The following TET3 variants were observed in gnomAD, a reference collection of about 807,000 sequenced individuals.
TET3 encodes tet methylcytosine dioxygenase 3.
TET3 carries 19 observed loss-of-function variants against 141.4 expected under a neutral mutation model. The ratio of observed to expected loss-of-function variants is 0.13; its 90% CI spans 0.09 to 0.20. The LOEUF (loss-of-function observed/expected upper bound fraction) is 0.20, where lower values mean the gene tolerates loss of function less well. TET3 is among the 10% of genes least tolerant of loss of function. TET3 has a pLI of 1.00. For missense variants in TET3, 1,874 were observed against 2,356.9 expected, an observed-to-expected ratio of 0.80 and a Z score of 4.24; for synonymous variants, 1,043 against 980.9, an observed-to-expected ratio of 1.06 and a Z score of -1.18.
Position 74,101,389 on chromosome 2 carries a change from C to T in TET3, c.4601C>T (p.Pro1534Leu), listed in dbSNP as rs368037344. ...GCTGGGCCCAGCCTGACTGAGAAGCCGTGGGCGCTGGGGGCAGGGGATTTC... is the reference window on the plus strand; with the variant it reads ...GCTGGGCCCAGCCTGACTGAGAAGCTGTGGGCGCTGGGGGCAGGGGATTTC... The part of the protein sequence containing the change: ...ALAGPSLTEK[P>L]WALGAGDFNS... The change falls in exon 12 of 12, where the codon CCG (proline) becomes CTG (leucine). Residue 1534 changes from proline to leucine, a missense_variant. Physicochemically the swap from Pro to Leu is moderately conservative, Grantham distance 98 (BLOSUM62 -3). This residue lies in a region of TET3 where 602 missense variants were observed against 590.2 expected (regional missense o/e 1.02). Coordinates refer to ENST00000409262, the MANE Select transcript of TET3 (RefSeq NM_001287491.2). This position sits in a 1 kb window ranked among gnomAD's most constrained non-coding sequence, Gnocchi z 8.5. The T allele has an allele frequency of 1.7e-5, 27 of 1,613,808 alleles. No individual in the cohort carries two copies. In the African/African-American group the frequency reaches 1.7e-4, roughly 10 times the overall value.
At chr2:74,003,041 G>GCCAGCA in intron 2 of TET3, 69 bp from the exon 3 acceptor site, 1 of 1,524,618 alleles carries the variant, frequency 6.6e-7, no homozygotes, top group South Asian at 1.2e-5. Context: ...GCTGGGGGCT[G>GCCAGCA]TAGCAGGAGG....
At chr2:73,992,088 A>G (rs577853898) in intron 2 of TET3, among the ~76,000 whole-genome samples, 2 of 152,234 alleles carry the variant, frequency 1.3e-5, no homozygotes, top group Admixed American at 1.3e-4. Context: ...GCTGATAACA[A>G]TGTCTTGTAT....
intron 3 of TET3, among the ~76,000 whole-genome samples, chr2:74,025,916 C>A (rs563704730): frequency 6.6e-6 from 1 of 151,808 alleles, no homozygotes; most frequent in Non-Finnish European, 1.5e-5. Context: ...GCAGCTTGGG[C>A]GACAGAGTGA....
At chr2:74,007,468 G>A (rs1033712792) in intron 3 of TET3, among the ~76,000 whole-genome samples, 14 of 152,180 alleles carry the variant, frequency 9.2e-5, no homozygotes, top group Non-Finnish European at 1.3e-4. Context: ...TAGATGTTTC[G>A]GATTTGAGAT....
intron 4 of TET3, among the ~76,000 whole-genome samples, chr2:74,066,292 C>T (rs1196093994): frequency 6.6e-6 from 1 of 152,080 alleles, no homozygotes; most frequent in African/African-American, 2.4e-5. Flanking sequence ...GTTCCTAGCT[C>T]AGGATCCTTT....
intron 3 of TET3, among the ~76,000 whole-genome samples, chr2:74,004,214 C>G (rs1399815755): frequency 6.6e-6 from 1 of 152,164 alleles, no homozygotes; most frequent in Non-Finnish European, 1.5e-5. Context: ...CCACCTGCCC[C>G]CTCAGCCGCT....
At chr2:74,071,029 C>G (rs1376709937) in intron 4 of TET3, among the ~76,000 whole-genome samples, 1 of 152,160 alleles carries the variant, frequency 6.6e-6, no homozygotes, top group Non-Finnish European at 1.5e-5. Context: ...TGATTTCTCA[C>G]AGCTGTAGAG....
At chr2:74,053,652 G>T (rs1027598956) in intron 4 of TET3, among the ~76,000 whole-genome samples, 1 of 152,160 alleles carries the variant, frequency 6.6e-6, no homozygotes, top group Non-Finnish European at 1.5e-5. Flanking sequence ...TATCTCCTTT[G>T]CCTGGAGCAT....
chr2:74,080,697 GGC>G, intron 6 of TET3, 106 bp downstream of exon 6: 2 of 410,938 alleles, frequency 4.9e-6, no homozygotes, highest in Non-Finnish European at 8.5e-6. Context: ...AGCAGGCGAG[GGC>G]GGGGGGTGGG....
intron 3 of TET3, among the ~76,000 whole-genome samples, chr2:74,025,297 T>G (rs1447182630): frequency 1.3e-5 from 2 of 148,604 alleles, no homozygotes; most frequent in African/African-American, 2.5e-5. Context: ...AGGTTTTTGT[T>G]TTTTTTTTTG....
chr2:73,983,938 C>G, upstream of TET3, among the ~76,000 whole-genome samples: 1 of 152,252 alleles, frequency 6.6e-6, no homozygotes, highest in East Asian at 1.9e-4. Flanking sequence ...CTGAATTAAT[C>G]TAACCTGGAA....
rs1573778817 is a variant in TET3 at position 74,046,907 on chromosome 2, G to T, written c.990G>T (p.Gln330His). The change falls in exon 4 of 12, where the codon CAG (glutamine) becomes CAT (histidine). Residue 330 changes from glutamine (Q) to histidine (H), a missense_variant. Physicochemically the swap from Gln to His is conservative, Grantham distance 24. Coordinates refer to ENST00000409262, the MANE Select transcript of TET3 (RefSeq NM_001287491.2). The surrounding 1 kb of genome is among the most constrained non-coding windows in gnomAD (Gnocchi z 4.3). ...CACTCCTCAGCTCAGAGGTGCCCCAGATCTCTCCCCAAGAGGGCCTGCCCC... is the reference window on the plus strand; with the variant it reads ...CACTCCTCAGCTCAGAGGTGCCCCATATCTCTCCCCAAGAGGGCCTGCCCC... ...TRPLLSSEVP[Q>H]ISPQEGLPLS... 3 of 1,613,842 alleles carry T rather than the reference G, an allele frequency of 1.9e-6. No individual in the cohort carries two copies. Among genetic ancestry groups the T allele is most frequent in the East Asian group, 2.2e-5 (1 of 44,866 alleles).
intron 3 of TET3, among the ~76,000 whole-genome samples, chr2:74,026,237 C>G (rs183972058): frequency 7.5e-4 from 114 of 152,270 alleles, no homozygotes; most frequent in African/African-American, 2.6e-3. Flanking sequence ...ACTGGTCTGC[C>G]ACTGCCTCTC....
chr2:74,097,589 G>A (rs1690928267), intron 10 of TET3, among the ~76,000 whole-genome samples: 3 of 152,198 alleles, frequency 2.0e-5, no homozygotes, highest in Admixed American at 1.3e-4. Flanking sequence ...GGCCAGTCAG[G>A]AGGCAGAAGA....
chr2:74,127,779 T>C, the TET3 span, among the ~76,000 whole-genome samples: 18 of 152,140 alleles, frequency 1.2e-4, no homozygotes, highest in South Asian at 3.7e-3. Context: ...GAAGGGGTTG[T>C]GTGCATAAAT....
rs1353491009 is a variant in TET3, at chr2:74,105,233, G to A, written c.*3057G>A. The A allele has an allele frequency of 2.5e-6, 1 of 398,526 alleles. No individual in the cohort carries two copies. The highest frequency in any genetic ancestry group is 4.4e-5 in the Admixed American group (1 of 22,724). 24.7% of individuals were successfully genotyped at this position (398,526 alleles called of 1,614,324 possible). ...GAGTCATATTATAGCAACGGAAATCGATGGCGTCTTAGTCATCTCCCCAGT... is the reference window on the plus strand; with the variant it reads ...GAGTCATATTATAGCAACGGAAATCAATGGCGTCTTAGTCATCTCCCCAGT... On this transcript the variant is annotated 3_prime_UTR_variant, in exon 12 of 12. Transcript: ENST00000409262.
chr2:74,032,689 C>T (rs571514016), intron 3 of TET3, among the ~76,000 whole-genome samples: 11 of 152,166 alleles, frequency 7.2e-5, no homozygotes, highest in African/African-American at 2.2e-4. Context: ...CAGGGGCTTC[C>T]GTCAGGAGAG....
rs1690633290 is a variant in TET3, at chr2:74,093,524, C to T, written c.3130-5C>T. ...GTGAGCACCTCTCCTTGGCTGTCTACACAGGTGACCAACGAGGAAATAGCG... is the reference window on the plus strand; with the variant it reads ...GTGAGCACCTCTCCTTGGCTGTCTATACAGGTGACCAACGAGGAAATAGCG... On this transcript the variant is annotated splice_polypyrimidine_tract_variant and splice_region_variant and intron_variant, in intron 9 of 11. Transcript: ENST00000409262. This position sits in a 1 kb window ranked among gnomAD's most constrained non-coding sequence, Gnocchi z 4.2. 3 of 1,604,102 alleles carry T rather than the reference C, an allele frequency of 1.9e-6. No homozygotes were observed. The highest frequency in any genetic ancestry group is 1.7e-5 in the Admixed American group (1 of 59,386).
intron 4 of TET3, among the ~76,000 whole-genome samples, chr2:74,052,521 G>A (rs1242090960): frequency 4.8e-5 from 6 of 125,300 alleles, no homozygotes; most frequent in African/African-American, 1.9e-4. Context: ...CAGAATATGG[G>A]AACAACTTTA....
Sources: allele counts gnomAD v4.1 joint callset (sites outside exome capture counted in the v4.1 genomes callset), GRCh38; gene constraint gnomAD v4.1.1; regional missense constraint gnomAD v4.1.1; non-coding constraint Gnocchi (gnomAD v3.1); transcripts MANE v1.5; gene names NCBI Gene and HGNC (gene_info 2026-07-23, HGNC 2026-07-21).